CACNA1A: variants seen among roughly 807,000 people sequenced by gnomAD.
CACNA1A encodes the protein calcium voltage-gated channel subunit alpha1 A.
Under a neutral mutation model 262.4 loss-of-function variants are expected in CACNA1A, and 57 were observed. The ratio of observed to expected loss-of-function variants is 0.22; its 90% CI spans 0.18 to 0.27. CACNA1A has a LOEUF of 0.27. Among genes scored for constraint, CACNA1A ranks in the 10% least tolerant of loss-of-function variants. The pLI, the probability that CACNA1A is intolerant of heterozygous loss-of-function variation, is 1.00. For missense variants in CACNA1A, 2,526 were observed against 3,562.8 expected (o/e 0.71, Z 7.41); for synonymous variants, 1,431 against 1,419.3 (o/e 1.01, Z -0.18).
chr19:13,406,465 TTATATA>T (rs61273249), intron 3 of CACNA1A, among the ~76,000 whole-genome samples: 1,424 of 31,512 alleles, frequency 0.045, 42 homozygotes, highest in Middle Eastern at 0.13. Context: ...AAAAAAAAAA[TTATATA>T]TATATATATA....
At chr19:13,341,250 G>C (rs2058671133) in intron 6 of CACNA1A, among the ~76,000 whole-genome samples, 1 of 152,064 alleles carries the variant, frequency 6.6e-6, no homozygotes, top group South Asian at 2.1e-4. Flanking sequence ...CAGAAGCTAG[G>C]AGGGAGGCAA....
chr19:13,477,047 T>C (rs998421341), intron 1 of CACNA1A, among the ~76,000 whole-genome samples: 6 of 152,250 alleles, frequency 3.9e-5, no homozygotes, highest in African/African-American at 4.8e-5. Context: ...ACCTGTCCCG[T>C]CACCTCTCTG....
intron 10 of CACNA1A, among the ~76,000 whole-genome samples, chr19:13,327,112 C>T (rs1178510569): frequency 6.6e-6 from 1 of 152,012 alleles, no homozygotes; most frequent in African/African-American, 2.4e-5. Flanking sequence ...AACTCCTGAC[C>T]TCAAACGATC....
chr19:13,332,847 G>A (rs771013419), intron 9 of CACNA1A, 22 bp downstream of exon 9: 4 of 1,581,510 alleles, frequency 2.5e-6, no homozygotes, highest in Non-Finnish European at 3.5e-6. Context: ...ACCCACCCCT[G>A]AGGTGGGTTT....
intron 3 of CACNA1A, among the ~76,000 whole-genome samples, chr19:13,403,237 T>G (rs139126801): frequency 2.1e-4 from 32 of 152,196 alleles, no homozygotes; most frequent in African/African-American, 7.5e-4. Flanking sequence ...GGGTACACAG[T>G]AGATGCTAAA....
At chr19:13,384,464 G>C (rs370499163) in intron 3 of CACNA1A, among the ~76,000 whole-genome samples, 1 of 152,172 alleles carries the variant, frequency 6.6e-6, no homozygotes, top group Non-Finnish European at 1.5e-5. Flanking sequence ...TTGAAAGGCC[G>C]AGGCAGGTGG....
chr19:13,216,943 G>A (rs2055035164), intron 38 of CACNA1A, among the ~76,000 whole-genome samples: 1 of 152,124 alleles, frequency 6.6e-6, no homozygotes, highest in Admixed American at 6.5e-5. Flanking sequence ...GGTCCAGCCT[G>A]GTCAACATGG....
At chr19:13,286,999 C>A in intron 19 of CACNA1A, 33 bp from the exon 20 acceptor site, 1 of 1,489,734 alleles carries the variant, frequency 6.7e-7, no homozygotes, top group Non-Finnish European at 9.1e-7. Context: ...AAAGAACCAA[C>A]AACTGATTTA....
rs184580990 is a variant in CACNA1A, at chr19:13,433,279, C to T, written c.539+19597G>A. On this transcript the variant is annotated intron_variant, in intron 3 of 46. Transcript: ENST00000360228. ...CTGCACTCCAGCCTGGGCTACAGTG[C>T]GAGACTCTGTCTCAAAAAAAAAAAA... 3.2e-3 allele frequency among the ~76,000 whole-genome samples: 447 copies of T among 138,014 alleles called. 2 individuals carry two copies. Among genetic ancestry groups the T allele is most frequent in the African/African-American group, 0.012 (426 of 35,996 alleles). The allele number at this position is 138,014 out of a possible 152,430, so 90.5% of individuals were successfully genotyped here. A position where few individuals can be genotyped will look rare whatever the true frequency, so the allele number is the denominator to read the frequency against.
chr19:13,495,213 G>A (rs945455801), intron 1 of CACNA1A, among the ~76,000 whole-genome samples: 1 of 152,104 alleles, frequency 6.6e-6, no homozygotes, highest in Admixed American at 6.6e-5. Context: ...AGGAACTTTG[G>A]GGGGATGTGA....
intron 19 of CACNA1A, among the ~76,000 whole-genome samples, chr19:13,295,646 C>A (rs984760062): frequency 6.6e-6 from 1 of 151,926 alleles, no homozygotes; most frequent in South Asian, 2.1e-4. Context: ...CACCTGCCGC[C>A]ACACCTGGCT....
intron 9 of CACNA1A, among the ~76,000 whole-genome samples, chr19:13,332,313 T>C (rs894387793): frequency 1.3e-5 from 2 of 151,910 alleles, no homozygotes; most frequent in African/African-American, 4.8e-5. Context: ...AGGCAGAGAA[T>C]TGCTTGAACC....
In CACNA1A at chr19:13,455,122, C is replaced by G. The variant is rs752128657; in HGVS notation, c.384G>C (p.Pro128=). 1 of 1,606,678 alleles carries G rather than the reference C, an allele frequency of 6.2e-7. No individual in the cohort carries two copies. The highest frequency in any genetic ancestry group is 8.5e-7 in the Non-Finnish European group (1 of 1,173,486). ...EQHLPDDDKT[P]MSERLDDTEP... ...CATCACTCACCAGCCGTTCAGACAT[C>G]GGGGTCTTGTCATCATCAGGCAGAT... The change falls in exon 2 of 47, where the codon CCG becomes CCC. Residue 128 remains proline, a synonymous_variant. Transcript: ENST00000360228.
At chr19:13,458,875 G>A (rs996011288) in intron 1 of CACNA1A, among the ~76,000 whole-genome samples, 1 of 152,230 alleles carries the variant, frequency 6.6e-6, no homozygotes, top group Non-Finnish European at 1.5e-5. Context: ...TGTAAGCGCT[G>A]GAGAAGCGGC....
At chr19:13,448,093 A>C (rs1271311505) in intron 3 of CACNA1A, among the ~76,000 whole-genome samples, 2 of 151,530 alleles carry the variant, frequency 1.3e-5, no homozygotes, top group African/African-American at 2.4e-5. Flanking sequence ...AAAAAAAAAA[A>C]AAAACAGGGC....
At chr19:13,222,413 T>C (rs1199166884) in intron 38 of CACNA1A, among the ~76,000 whole-genome samples, 1 of 109,454 alleles carries the variant, frequency 9.1e-6, no homozygotes, top group Admixed American at 1.0e-4. Context: ...TTTTTTTTTT[T>C]CAGATGAAGT....
intron 12 of CACNA1A, among the ~76,000 whole-genome samples, chr19:13,311,786 G>C (rs534128138): frequency 6.6e-6 from 1 of 152,040 alleles, no homozygotes. Flanking sequence ...GCAGTGAGCC[G>C]AGATGGCGCC....
At chr19:13,345,457 G>A (rs1236957233) in intron 6 of CACNA1A, among the ~76,000 whole-genome samples, 1 of 152,144 alleles carries the variant, frequency 6.6e-6, no homozygotes, top group East Asian at 1.9e-4. Flanking sequence ...TCCCAGTATC[G>A]CTGGTGGTGC....
rs142449369 is a variant in CACNA1A at position 13,218,451 on chromosome 19, G to A, written c.5732-3843C>T. Among the ~76,000 whole-genome samples the A allele has an allele frequency of 3.8e-3, 574 of 152,312 alleles. 4 individuals carry two copies. The highest frequency in any genetic ancestry group is 6.0e-3 in the Non-Finnish European group (408 of 68,032). On this transcript the variant is annotated intron_variant, in intron 38 of 46. Transcript: ENST00000360228. ...TGGTTGGCAGTACACGGTGCGTGTT[G>A]TCACACACTGCAGGGAGAATTAAGC...
Sources: allele counts gnomAD v4.1 joint callset (sites outside exome capture counted in the v4.1 genomes callset), GRCh38; gene constraint gnomAD v4.1.1; transcripts MANE v1.5; gene names NCBI Gene and HGNC (gene_info 2026-07-23, HGNC 2026-07-21).